Variants in ASIC2 observed in about 807,000 individuals in gnomAD.
ASIC2 encodes acid sensing ion channel subunit 2, also known as acid-sensing ion channel 2.
In ASIC2, 25 loss-of-function variants were observed where a neutral mutation model predicts 57.3. The ratio of observed to expected loss-of-function variants is 0.44; its 90% CI spans 0.32 to 0.61. The LOEUF is 0.61. Ranked by LOEUF, ASIC2 falls within the 20% of genes least tolerant of loss-of-function variation. The pLI, the probability that ASIC2 is intolerant of heterozygous loss-of-function variation, is 0.06. For missense variants in ASIC2, 641 were observed against 738.1 expected (o/e 0.87, Z 1.52); for synonymous variants, 319 against 307.5 (o/e 1.04, Z -0.39).
At chr17:33,661,842 AACTG>A (rs1427133590) in intron 1 of ASIC2, among the ~76,000 whole-genome samples, 1 of 152,170 alleles carries the variant, frequency 6.6e-6, no homozygotes, top group Non-Finnish European at 1.5e-5. Flanking sequence ...TCTGGCAGAA[AACTG>A]ACTGGCGGCA....
chr17:33,154,120 GGGC>G (rs1250703040), intron 1 of ASIC2, among the ~76,000 whole-genome samples: 94 of 152,170 alleles, frequency 6.2e-4, no homozygotes, highest in Non-Finnish European at 1.1e-3. Flanking sequence ...AGACAGTCCT[GGGC>G]AACTAGGATC....
chr17:33,061,830 A>C (rs1286158987), intron 3 of ASIC2, among the ~76,000 whole-genome samples: 1 of 152,162 alleles, frequency 6.6e-6, no homozygotes, highest in Non-Finnish European at 1.5e-5. Context: ...TTATTGCCTC[A>C]ATTTCAGAGC....
Position 33,741,449 on chromosome 17 carries a change from A to G in ASIC2, c.555+414529T>C, listed in dbSNP as rs1181901442. ...TGGACACTAAAATGCTTTACTTTTT[A>G]CATGCGTGAGCCTGCTCTTTGGGCC... is the stretch of plus-strand genomic sequence containing the variant. On this transcript the variant is annotated intron_variant, in intron 1 of 9. Coordinates refer to the ASIC2 transcript ENST00000359872. Among the ~76,000 whole-genome samples the G allele has an allele frequency of 3.9e-5, 6 of 152,306 alleles. No individual in the cohort carries two copies. In the East Asian group the frequency reaches 1.2e-3, roughly 29 times the overall value.
chr17:33,486,806 C>T (rs1294466983), intron 1 of ASIC2, among the ~76,000 whole-genome samples: 1 of 152,174 alleles, frequency 6.6e-6, no homozygotes, highest in Non-Finnish European at 1.5e-5. Context: ...TTCTCACTGG[C>T]CAGCTTTCCC....
At chr17:33,736,232 A>G (rs1009917541) in intron 1 of ASIC2, among the ~76,000 whole-genome samples, 1 of 152,016 alleles carries the variant, frequency 6.6e-6, no homozygotes, top group Non-Finnish European at 1.5e-5. Flanking sequence ...GAGAGAAAAG[A>G]TTATGAAATA....
chr17:33,692,195 A>C (rs566150733), intron 1 of ASIC2: 1 of 152,246 alleles, frequency 6.6e-6, no homozygotes, highest in South Asian at 2.1e-4. Flanking sequence ...CTGCACCCCA[A>C]AAAATGTTGG....
intron 1 of ASIC2, among the ~76,000 whole-genome samples, chr17:33,753,367 C>T (rs1236896551): frequency 6.6e-6 from 1 of 152,138 alleles, no homozygotes; most frequent in Non-Finnish European, 1.5e-5. Flanking sequence ...TGAAACTATC[C>T]TGTATGATAC....
intron 1 of ASIC2, among the ~76,000 whole-genome samples, chr17:33,169,481 C>A (rs1597613934): frequency 6.6e-6 from 1 of 152,172 alleles, no homozygotes; most frequent in Non-Finnish European, 1.5e-5. Flanking sequence ...AGACAGCAAG[C>A]CTTCACTAAA....
At chr17:34,079,936 A>G (rs990925491) in intron 1 of ASIC2, among the ~76,000 whole-genome samples, 3 of 151,938 alleles carry the variant, frequency 2.0e-5, no homozygotes, top group African/African-American at 7.3e-5. Flanking sequence ...CTTCCACTTT[A>G]CCGGAATTTC....
At chr17:33,058,480 A>AAAC (rs2092007037) in intron 3 of ASIC2, among the ~76,000 whole-genome samples, 2 of 151,302 alleles carry the variant, frequency 1.3e-5, no homozygotes, top group African/African-American at 4.9e-5. Context: ...CAAAAAAAAA[A>AAAC]AAAAAAAAAA....
intron 1 of ASIC2, among the ~76,000 whole-genome samples, chr17:33,838,430 A>G (rs1341454173): frequency 6.6e-6 from 1 of 152,148 alleles, no homozygotes; most frequent in Non-Finnish European, 1.5e-5. Context: ...TAGTTTTCCT[A>G]GTCATTCAGT....
intron 1 of ASIC2, chr17:33,623,426 ATT>A (rs11328045): frequency 3.2e-4 from 47 of 147,686 alleles, no homozygotes; most frequent in South Asian, 6.5e-4. Context: ...CGCCCAGCCA[ATT>A]TTTTTTTTTT....
In ASIC2 at chr17:33,917,890, G is replaced by GCACA. The variant is rs71364627; in HGVS notation, c.555+238084_555+238087dup. On this transcript the variant is annotated intron_variant, in intron 1 of 9. Transcript: ENST00000359872. ...CACACACACACACACACGTGCATGT[G>GCACA]CACACACACACACACACACACACAG... 1.9e-3 allele frequency among the ~76,000 whole-genome samples: 257 copies of GCACA among 132,566 alleles called. 5 individuals carry two copies. The highest frequency in any genetic ancestry group is 0.014 in the East Asian group (55 of 3,928). The allele number at this position is 132,566 out of a possible 152,430, so 87.0% of individuals were successfully genotyped here. A position where few individuals can be genotyped will look rare whatever the true frequency, so the allele number is the denominator to read the frequency against.
chr17:33,618,714 G>C (rs1357862054), intron 1 of ASIC2, among the ~76,000 whole-genome samples: 2 of 152,100 alleles, frequency 1.3e-5, no homozygotes, highest in Non-Finnish European at 2.9e-5. Flanking sequence ...TGGCATAACT[G>C]TCCTCTCATG....
chr17:33,505,880 A>G (rs1914234537), intron 1 of ASIC2, among the ~76,000 whole-genome samples: 1 of 152,240 alleles, frequency 6.6e-6, no homozygotes, highest in Non-Finnish European at 1.5e-5. Flanking sequence ...AGCAGCTCTC[A>G]TAACTCATTA....
At chr17:33,762,168 G>A (rs904983240) in intron 1 of ASIC2, among the ~76,000 whole-genome samples, 2 of 152,192 alleles carry the variant, frequency 1.3e-5, no homozygotes, top group Non-Finnish European at 2.9e-5. Context: ...AGGCTGTGGA[G>A]GTGGCACAGC....
intron 1 of ASIC2, among the ~76,000 whole-genome samples, chr17:33,957,165 G>A (rs946681841): frequency 2.6e-5 from 4 of 152,172 alleles, no homozygotes; most frequent in Admixed American, 1.3e-4. Flanking sequence ...ACACCTACCT[G>A]TCCCTACATA....
chr17:34,082,445 A>G (rs1909921400), intron 1 of ASIC2, among the ~76,000 whole-genome samples: 1 of 150,222 alleles, frequency 6.7e-6, no homozygotes, highest in African/African-American at 2.5e-5. Context: ...TACAAAGGGA[A>G]AAAAATCTCA....
chr17:33,723,601 T>C (rs551747433), intron 1 of ASIC2, among the ~76,000 whole-genome samples: 46 of 152,328 alleles, frequency 3.0e-4, no homozygotes, highest in African/African-American at 7.2e-4. Context: ...AGTGCTGGGA[T>C]TACAGGCATA....
Sources: allele counts gnomAD v4.1 joint callset (sites outside exome capture counted in the v4.1 genomes callset), GRCh38; gene constraint gnomAD v4.1.1; transcripts MANE v1.5; gene names NCBI Gene and HGNC (gene_info 2026-07-23, HGNC 2026-07-21).